Variants in RASGRF2 observed in about 807,000 individuals in gnomAD.
RASGRF2 encodes Ras protein specific guanine nucleotide releasing factor 2, also known as ras-specific guanine nucleotide-releasing factor 2.
RASGRF2 carries 76 observed loss-of-function variants against 151.0 expected under a neutral mutation model. The observed-to-expected ratio is 0.50, with a 90% confidence interval of 0.42 to 0.61. RASGRF2 has a LOEUF of 0.61. RASGRF2 is among the 20% of genes least tolerant of loss of function. The probability of loss-of-function intolerance (pLI) is 0.00; values close to 1 mark genes in which losing one functional copy is unlikely to be tolerated. For synonymous variants in RASGRF2, 504 were observed against 566.5 expected, an observed-to-expected ratio of 0.89 and a Z score of 1.57; for missense variants, 1,148 against 1,564.6, an observed-to-expected ratio of 0.73 and a Z score of 4.49.
At chr5:81,033,837 T>A (rs894383295) in intron 1 of RASGRF2, among the ~76,000 whole-genome samples, 4 of 152,020 alleles carry the variant, frequency 2.6e-5, no homozygotes, top group Non-Finnish European at 5.9e-5. Flanking sequence ...ACAGCAAAAG[T>A]AACTACCATC....
At chr5:81,042,467 A>C (rs1372437245) in intron 1 of RASGRF2, among the ~76,000 whole-genome samples, 2 of 152,264 alleles carry the variant, frequency 1.3e-5, no homozygotes, top group Non-Finnish European at 2.9e-5. Context: ...ATAGATATAG[A>C]ATAGAACAGA....
intron 12 of RASGRF2, among the ~76,000 whole-genome samples, chr5:81,099,391 A>G (rs991102732): frequency 6.6e-6 from 1 of 152,122 alleles, no homozygotes; most frequent in Admixed American, 6.5e-5. Flanking sequence ...CGTTGAGTGT[A>G]TGAGCTGTTT....
At chr5:81,001,507 T>G (rs1048247923) in intron 1 of RASGRF2, among the ~76,000 whole-genome samples, 8 of 152,182 alleles carry the variant, frequency 5.3e-5, no homozygotes, top group African/African-American at 1.7e-4. Context: ...GCCTCAGATC[T>G]TGTTATTTTT....
intron 1 of RASGRF2, among the ~76,000 whole-genome samples, chr5:81,007,421 A>C (rs1015884331): frequency 1.3e-5 from 2 of 152,102 alleles, no homozygotes; most frequent in Non-Finnish European, 1.5e-5. Context: ...GCCCTGAGGA[A>C]GGGGTTCATT....
intron 1 of RASGRF2, among the ~76,000 whole-genome samples, chr5:80,976,669 C>A (rs1160704640): frequency 6.6e-6 from 1 of 152,168 alleles, no homozygotes. Flanking sequence ...GCAGCTCAGG[C>A]TTCCTTCTTG....
chr5:81,010,964 G>A (rs1392636692), intron 1 of RASGRF2, among the ~76,000 whole-genome samples: 2 of 152,108 alleles, frequency 1.3e-5, no homozygotes, highest in African/African-American at 4.8e-5. Flanking sequence ...GCAGCATTGC[G>A]TTTGTATGTT....
At chr5:80,996,498 CTT>C in intron 1 of RASGRF2, among the ~76,000 whole-genome samples, 1 of 82,178 alleles carries the variant, frequency 1.2e-5, no homozygotes, top group African/African-American at 5.8e-5. Flanking sequence ...TCTTCTTCTT[CTT>C]CTTCCTCCTC....
At chr5:81,099,586 A>T (rs1752639732) in intron 12 of RASGRF2, among the ~76,000 whole-genome samples, 1 of 152,186 alleles carries the variant, frequency 6.6e-6, no homozygotes, top group African/African-American at 2.4e-5. Context: ...GAAATATGTA[A>T]GTTATAATTT....
At chr5:80,995,237 T>C (rs975210691) in intron 1 of RASGRF2, among the ~76,000 whole-genome samples, 11 of 126,720 alleles carry the variant, frequency 8.7e-5, no homozygotes, top group East Asian at 4.3e-4. Flanking sequence ...GCCTGGGCGA[T>C]AGAGCCAGAC....
chr5:81,003,447 TCTA>T (rs1749158128), intron 1 of RASGRF2, among the ~76,000 whole-genome samples: 4 of 151,448 alleles, frequency 2.6e-5, no homozygotes, highest in Admixed American at 2.6e-4. Flanking sequence ...ATGGTCTCGA[TCTA>T]CTGACCTCGT....
In RASGRF2 at chr5:81,123,751, C is replaced by T. The variant is rs770014789; in HGVS notation, c.2580C>T (p.Arg860=). The change falls in exon 16 of 27, where the codon CGC becomes CGT. Residue 860 remains arginine, a synonymous_variant. Coordinates refer to ENST00000265080, the MANE Select transcript of RASGRF2 (RefSeq NM_006909.3). ...CRSPSTPRHL[R]YRQPGGQTAD... ...CCCCCTCAACTCCTCGGCACCTCCG[C>T]TATCGACAGCCTGGAGGTAAGAGCT... 6.2e-7 allele frequency: 1 copy of T among 1,613,822 alleles called. No individual in the cohort carries two copies. Among genetic ancestry groups the T allele is most frequent in the Non-Finnish European group, 8.5e-7 (1 of 1,179,850 alleles).
intron 1 of RASGRF2, among the ~76,000 whole-genome samples, chr5:81,039,593 A>C (rs1173236473): frequency 1.3e-5 from 2 of 152,192 alleles, no homozygotes; most frequent in East Asian, 3.8e-4. Context: ...TATAAACATC[A>C]ATCAAAAAAG....
At chr5:81,055,400 G>A (rs911279114) in intron 2 of RASGRF2, among the ~76,000 whole-genome samples, 8 of 152,186 alleles carry the variant, frequency 5.3e-5, no homozygotes, top group Admixed American at 2.6e-4. Context: ...GGTTTTTATC[G>A]TTGGTTCTGT....
At chr5:81,080,853 G>C in intron 7 of RASGRF2, 64 bp downstream of exon 7, 12 of 1,443,952 alleles carry the variant, frequency 8.3e-6, no homozygotes, top group Non-Finnish European at 1.2e-5. Context: ...GATACCTAGC[G>C]TGACCAGCGT....
intron 18 of RASGRF2, among the ~76,000 whole-genome samples, chr5:81,190,689 A>G (rs1248043425): frequency 6.6e-6 from 1 of 152,202 alleles, no homozygotes; most frequent in Admixed American, 6.5e-5. Context: ...ACTATTTACC[A>G]AAGTTTTTTC....
At chr5:81,066,327 C>G (rs1162674609) in intron 2 of RASGRF2, among the ~76,000 whole-genome samples, 1 of 151,892 alleles carries the variant, frequency 6.6e-6, no homozygotes, top group Non-Finnish European at 1.5e-5. Context: ...TTTTCTAACC[C>G]TAACAACACG....
At chr5:81,186,340 G>T (rs1196636788) in intron 18 of RASGRF2, among the ~76,000 whole-genome samples, 1 of 152,084 alleles carries the variant, frequency 6.6e-6, no homozygotes. Flanking sequence ...CCAAGTCTCT[G>T]CCCCTCTTCC....
intron 4 of RASGRF2, 137 bp downstream of exon 4, chr5:81,070,718 A>C: frequency 1.5e-6 from 1 of 655,500 alleles, no homozygotes; most frequent in Non-Finnish European, 2.6e-6. Flanking sequence ...CTTGCCCTGC[A>C]GAGTGATCCA....
chr5:81,215,177 A>G (rs1323966193), intron 23 of RASGRF2, among the ~76,000 whole-genome samples: 1 of 152,146 alleles, frequency 6.6e-6, no homozygotes, highest in African/African-American at 2.4e-5. Context: ...TGTCTCTACT[A>G]AAAGTACAAA....
Sources: gnomAD v4.1 joint callset for allele counts (sites outside exome capture counted in the v4.1 genomes callset) on GRCh38, gnomAD v4.1.1 for gene constraint, MANE v1.5 for transcripts, NCBI Gene and HGNC (gene_info 2026-07-23, HGNC 2026-07-21) for gene names.